The following POSTN variants were observed in gnomAD, a reference collection of about 807,000 sequenced individuals.
The protein encoded by POSTN is periostin.
A neutral mutation model predicts 104.5 loss-of-function variants in POSTN; 71 were observed. The ratio of observed to expected loss-of-function variants is 0.68; its 90% CI spans 0.56 to 0.83. The LOEUF is 0.83. POSTN is among the 40% of genes least tolerant of loss of function. The probability of loss-of-function intolerance (pLI) is 0.00; values close to 1 mark genes in which losing one functional copy is unlikely to be tolerated. For missense variants in POSTN, 949 were observed against 1,006.8 expected (o/e 0.94, Z 0.78); for synonymous variants, 355 against 340.7 (o/e 1.04, Z -0.46).
intron 2 of POSTN, 123 bp from the exon 3 acceptor site, chr13:37,592,287 T>A (rs976684504): frequency 5.9e-6 from 4 of 683,130 alleles, no homozygotes; most frequent in East Asian, 3.0e-5. Flanking sequence ...TCAGGTTTTT[T>A]TTCCCCCCTG....
Position 37,586,662 on chromosome 13 carries a change from C to G in POSTN, c.753+120G>C. 11 of 913,742 alleles carry G rather than the reference C, an allele frequency of 1.2e-5. 1 individual carries two copies. The South Asian group carries it at 1.9e-4, about 16-fold the overall frequency. 56.6% of individuals were successfully genotyped at this position (913,742 alleles called of 1,614,324 possible). Reference sequence around the variant, plus strand: ...TTCTGTGTAAAATGAAAATAGTAGTCCTTTCAAAAAATATGTGTTACATTT... The same window carrying G: ...TTCTGTGTAAAATGAAAATAGTAGTGCTTTCAAAAAATATGTGTTACATTT... On this transcript the variant is annotated intron_variant, in intron 6 of 22. Transcript: ENST00000379747.
chr13:37,587,089 A>G (rs1950769237), intron 5 of POSTN, among the ~76,000 whole-genome samples, 161 bp from the exon 6 acceptor site: 1 of 152,194 alleles, frequency 6.6e-6, no homozygotes. Flanking sequence ...ACATGTTGTT[A>G]TATCTAAAAA....
chr13:37,596,046 C>T (rs534076232), intron 2 of POSTN, among the ~76,000 whole-genome samples: 1 of 152,172 alleles, frequency 6.6e-6, no homozygotes, highest in African/African-American at 2.4e-5. Flanking sequence ...AAGTGATCCA[C>T]CTGTCTCAGC....
chr13:37,597,252 C>A lies in POSTN; in HGVS notation c.150G>T (p.Leu50Phe), dbSNP rs777445246. 8 of 1,585,034 alleles carry A rather than the reference C, an allele frequency of 5.0e-6. No homozygotes were observed. The highest frequency in any genetic ancestry group is 1.7e-4 in the Middle Eastern group (1 of 5,998). Residue 50 changes from leucine (L) to phenylalanine (F), a missense_variant, in exon 2 of 23, where the codon TTG (leucine) becomes TTT (phenylalanine). Transcript: ENST00000379747. ...GPNVCALQQI[L>F]GTKKKYFSTC... ...TGCTGAAGTATTTCTTTTTGGTGCC[C>A]AAAATCTGTTGAAGGGCACAGACAT...
chr13:37,578,861 T>G lies in POSTN; in HGVS notation c.1945A>C (p.Lys649Gln), dbSNP rs752797171. ...TTTAGTACCTTAATTTGGATGTATT[T>G]GATTAATTTATTAAGTATTTCCAGC... ...QLLEILNKLI[K>Q]YIQIKFVRGS... Residue 649 changes from lysine (K) to glutamine (Q), a missense_variant, in exon 15 of 23, where the codon AAA becomes CAA. Lys to Gln is a moderately conservative substitution (Grantham distance 53). Transcript: ENST00000379747. 3.8e-6 allele frequency: 6 copies of G among 1,584,916 alleles called. No individual in the cohort carries two copies. In the East Asian group the frequency reaches 1.3e-4, roughly 36 times the overall value.
At chr13:37,583,540 T>C (rs1950662277) in intron 9 of POSTN, among the ~76,000 whole-genome samples, 1 of 145,672 alleles carries the variant, frequency 6.9e-6, no homozygotes, top group African/African-American at 2.5e-5. Flanking sequence ...TTCTCCTGCC[T>C]CAGCCTCCCG....
intron 22 of POSTN, among the ~76,000 whole-genome samples, chr13:37,563,972 G>A (rs1399738976): frequency 3.3e-5 from 5 of 151,318 alleles, no homozygotes; most frequent in African/African-American, 1.2e-4. Flanking sequence ...TGAACATTTT[G>A]TAAATAGCTA....
chr13:37,581,165 G>A (rs941664512), intron 10 of POSTN, among the ~76,000 whole-genome samples: 2 of 151,984 alleles, frequency 1.3e-5, no homozygotes, highest in African/African-American at 4.8e-5. Context: ...CTTTTTGAAC[G>A]AACGTGATAT....
intron 17 of POSTN, among the ~76,000 whole-genome samples, chr13:37,573,797 T>C (rs1043716179): frequency 1.3e-5 from 2 of 151,560 alleles, no homozygotes; most frequent in Non-Finnish European, 3.0e-5. Context: ...TTGTGATCCT[T>C]GGACATAATT....
chr13:37,589,597 C>T (rs2138353543), intron 4 of POSTN, among the ~76,000 whole-genome samples: 1 of 152,104 alleles, frequency 6.6e-6, no homozygotes, highest in Admixed American at 6.5e-5. Flanking sequence ...GAAGATGAGT[C>T]AGCAAAAGGA....
rs1951116725 is a variant in POSTN, at chr13:37,597,386, T to C, written c.120-104A>G. 22 of 698,186 alleles carry C rather than the reference T, an allele frequency of 3.2e-5. 2 individuals are homozygous for C. The South Asian group carries it at 4.1e-4, about 13-fold the overall frequency. 43.2% of individuals were successfully genotyped at this position (698,186 alleles called of 1,614,324 possible). A position where few individuals can be genotyped will look rare whatever the true frequency, so the allele number is the denominator to read the frequency against. On this transcript the variant is annotated intron_variant, in intron 1 of 22. Transcript: ENST00000379747. The stretch of plus-strand genomic sequence containing the variant: ...AGAAAATGTTGAGATGTGGATTTGA[T>C]ATCCAAAGACATGATTCTAGCCTTG...
Position 37,598,655 on chromosome 13 carries a change from A to G in POSTN, c.72T>C (p.His24=). The G allele has an allele frequency of 6.2e-7, 1 of 1,613,592 alleles. No homozygotes were observed. Among genetic ancestry groups the G allele is most frequent in the East Asian group, 2.2e-5 (1 of 44,862 alleles). The change falls in exon 1 of 23, where the codon CAT becomes CAC. Residue 24 remains histidine (H), a synonymous_variant. Transcript: ENST00000379747. ...GACTATGAGCCAAGATCTTGTCATA[A>G]TGATTGTTGGCGTTTATAGGGTTAA... ...LIVNPINANN[H]YDKILAHSRI...
At chr13:37,564,873 T>C in intron 21 of POSTN, 1 of 211,860 alleles carries the variant, frequency 4.7e-6, no homozygotes. Context: ...TTTTTCAATC[T>C]TTTTGTAAAA....
At chr13:37,576,100 G>A (rs973156567) in intron 16 of POSTN, among the ~76,000 whole-genome samples, 1 of 151,978 alleles carries the variant, frequency 6.6e-6, no homozygotes, top group African/African-American at 2.4e-5. Context: ...ATTAAATATT[G>A]ATTTTAGCCC....
intron 17 of POSTN, 43 bp from the exon 18 acceptor site, chr13:37,571,501 T>G: frequency 7.1e-7 from 1 of 1,409,632 alleles, no homozygotes; most frequent in Non-Finnish European, 9.9e-7. Context: ...GTTAAAACAG[T>G]CCTTTAAATT....
intron 16 of POSTN, among the ~76,000 whole-genome samples, chr13:37,574,944 C>T (rs1012874933): frequency 6.6e-6 from 1 of 151,880 alleles, no homozygotes. Context: ...ACCGCTAAAG[C>T]GCTTTACCTT....
At chr13:37,567,235 C>CAAAAGAAAAAAAAAAA (rs1950136442) in intron 21 of POSTN, among the ~76,000 whole-genome samples, 1 of 36,928 alleles carries the variant, frequency 2.7e-5, no homozygotes, top group Non-Finnish European at 4.6e-5. Flanking sequence ...GACTCCGTCT[C>CAAAAGAAAAAAAAAAA]AAAAAAAAAA....
At chr13:37,578,695 A>G (rs1950486023) in intron 15 of POSTN, 149 bp downstream of exon 15, 1 of 540,538 alleles carries the variant, frequency 1.9e-6, no homozygotes, top group Non-Finnish European at 2.9e-6. Flanking sequence ...GCTACTCGGG[A>G]GGCTGAGGCA....
Position 37,590,459 on chromosome 13 carries a change from G to A in POSTN, c.354C>T (p.Asp118=), listed in dbSNP as rs751312969. 9 of 1,613,416 alleles carry A rather than the reference G, an allele frequency of 5.6e-6. No homozygotes were observed. The highest frequency in any genetic ancestry group is 3.3e-5 in the Admixed American group (2 of 59,960). Residue 118 remains aspartate (D), a synonymous_variant, in exon 4 of 23, where the codon GAC becomes GAT. Transcript: ENST00000379747. The stretch of plus-strand genomic sequence containing the variant: ...CGATCTCCTCCCTCAGTTTTGAGGC[G>A]TCAGAATAGCGCTGCGTTGTGGTGG... ...VGATTTQRYS[D]ASKLREEIEG... is the part of the protein sequence containing the mutation.
Sources: gnomAD v4.1 joint callset for allele counts (sites outside exome capture counted in the v4.1 genomes callset) on GRCh38, gnomAD v4.1.1 for gene constraint, MANE v1.5 for transcripts, NCBI Gene and HGNC (gene_info 2026-07-23, HGNC 2026-07-21) for gene names.